The following SRRM2 variants were observed in gnomAD, a reference collection of about 807,000 sequenced individuals.
SRRM2 encodes the protein serine/arginine repetitive matrix protein 2.
In SRRM2, 30 loss-of-function variants were observed where a neutral mutation model predicts 213.8. The ratio of observed to expected loss-of-function variants is 0.14; its 90% CI spans 0.10 to 0.19. The LOEUF (loss-of-function observed/expected upper bound fraction) is 0.19, where lower values mean the gene tolerates loss of function less well. Among genes scored for constraint, SRRM2 ranks in the 10% least tolerant of loss-of-function variants. The pLI is 1.00. For synonymous variants in SRRM2, 2,025 were observed against 1,377.7 expected (o/e 1.47, Z -10.40); for missense variants, 4,904 against 3,647.0 (o/e 1.34, Z -8.88).
chr16:2,757,957 C>T lies in SRRM2; in HGVS notation c.515+12C>T. ...CCCAAACCTTACAGGTATACAAGGCCAAGAAACCACTGTCAGCTTCTTTTC... is the reference window on the plus strand; with the variant it reads ...CCCAAACCTTACAGGTATACAAGGCTAAGAAACCACTGTCAGCTTCTTTTC... On this transcript the variant is annotated intron_variant, in intron 4 of 14. Transcript: ENST00000301740. 6.3e-7 allele frequency: 1 copy of T among 1,598,880 alleles called. No individual in the cohort carries two copies.
Position 2,771,230 on chromosome 16 carries a change from G to A in SRRM2, c.*363G>A. On this transcript the variant is annotated 3_prime_UTR_variant, in exon 15 of 15. Coordinates refer to ENST00000301740, the MANE Select transcript of SRRM2 (RefSeq NM_016333.4). ...GATTGTGATGGTGGTTGGGACTGGA[G>A]GTTGTATAAGGTGTTCTTGGAAGGA... The A allele has an allele frequency of 1.5e-6, 1 of 687,692 alleles. No homozygotes were observed. The highest frequency in any genetic ancestry group is 2.6e-6 in the Non-Finnish European group (1 of 391,510). 42.6% of individuals were successfully genotyped at this position (687,692 alleles called of 1,614,324 possible).
chr16:2,766,391 CGCA>C lies in SRRM2; in HGVS notation c.5865_5867del (p.Arg1957del), dbSNP rs758213514. 1.9e-6 allele frequency: 3 copies of C among 1,614,118 alleles called. No homozygotes were observed. Among genetic ancestry groups the C allele is most frequent in the Non-Finnish European group, 2.5e-6 (3 of 1,180,006 alleles). ...CCGTTCTAGAACTCCACCAGTGACT[CGCA>C]GAAGGTCCAGATCCAGGACTCCACC... On this transcript the variant is annotated inframe_deletion, in exon 11 of 15. Coordinates refer to ENST00000301740, the MANE Select transcript of SRRM2 (RefSeq NM_016333.4). The surrounding 1 kb of genome is among the most constrained non-coding windows in gnomAD (Gnocchi z 7.0).
In SRRM2 at chr16:2,752,724, C is replaced by T. The variant is rs1211055162; in HGVS notation, c.-154C>T. On this transcript the variant is annotated 5_prime_UTR_variant, in exon 1 of 15. Coordinates refer to ENST00000301740, the MANE Select transcript of SRRM2 (RefSeq NM_016333.4). ...CCCTGAGGAAGCGAGGAGGCGTCGG[C>T]GTCGGCTGAGGCGGGCGGACCGGCG... 4.2e-5 allele frequency: 15 copies of T among 359,792 alleles called. No homozygotes were observed. Among genetic ancestry groups the T allele is most frequent in the African/African-American group, 9.0e-5 (4 of 44,410 alleles). The allele number at this position is 359,792 out of a possible 1,614,324, so 22.3% of individuals were successfully genotyped here. A position where few individuals can be genotyped will look rare whatever the true frequency, so the allele number is the denominator to read the frequency against.
In SRRM2 at chr16:2,766,430, A is replaced by G. The variant is rs1272022062; in HGVS notation, c.5902A>G (p.Arg1968Gly). The part of the protein sequence containing the change: ...SRSRTPPVTR[R>G]RSRSRTSPIT... ...ATCCAGGACTCCACCAGTAACCAGG[A>G]GGCGATCTCGAAGCAGAACTTCGCC... Residue 1968 changes from arginine to glycine, a missense_variant, in exon 11 of 15, where the codon AGG becomes GGG. Arg to Gly is a moderately radical substitution (Grantham distance 125). Coordinates refer to ENST00000301740, the MANE Select transcript of SRRM2 (RefSeq NM_016333.4). This position sits in a 1 kb window ranked among gnomAD's most constrained non-coding sequence, Gnocchi z 7.0. 8 of 1,613,900 alleles carry G rather than the reference A, an allele frequency of 5.0e-6. No individual in the cohort carries two copies. The Middle Eastern group carries it at 4.9e-4, about 100-fold the overall frequency.
At position 2,763,326 on chromosome 16, in the gene SRRM2, C is replaced by G. The variant is rs755088780; in HGVS notation, c.2798C>G (p.Ser933Cys). 1.2e-6 allele frequency: 2 copies of G among 1,614,074 alleles called. No individual in the cohort carries two copies. The highest frequency in any genetic ancestry group is 2.7e-5 in the African/African-American group (2 of 74,918). ...ISPRQRSHSG[S>C]SSPSPSRVTS... ...CCAAGACAAAGAAGCCATTCTGGCTCCTCTTCTCCAAGTCCTAGTAGGGTG... is the reference window on the plus strand; with the variant it reads ...CCAAGACAAAGAAGCCATTCTGGCTGCTCTTCTCCAAGTCCTAGTAGGGTG... Residue 933 changes from serine (S) to cysteine (C), a missense_variant, in exon 11 of 15, where the codon TCC becomes TGC. Coordinates refer to ENST00000301740, the MANE Select transcript of SRRM2 (RefSeq NM_016333.4).
Position 2,766,118 on chromosome 16 carries a change from T to C in SRRM2, c.5590T>C (p.Ser1864Pro). ...SRTSPAPWKR[S>P]RSRASPATHR... ...CACATCACCAGCCCCGTGGAAACGC[T>C]CTAGATCTCGAGCCTCTCCAGCCAC... The change falls in exon 11 of 15, where the codon TCT becomes CCT. Residue 1864 changes from serine to proline, a missense_variant. Transcript: ENST00000301740. This position sits in a 1 kb window ranked among gnomAD's most constrained non-coding sequence, Gnocchi z 7.0. The C allele has an allele frequency of 1.2e-6, 2 of 1,613,930 alleles. No individual in the cohort carries two copies. Among genetic ancestry groups the C allele is most frequent in the Non-Finnish European group, 1.7e-6 (2 of 1,179,988 alleles).
intron 2 of SRRM2, among the ~76,000 whole-genome samples, chr16:2,757,208 G>C (rs1388501430): frequency 1.3e-5 from 2 of 152,028 alleles, no homozygotes; most frequent in Non-Finnish European, 2.9e-5. Context: ...AGTTGGGGAG[G>C]AGCACTTGGA....
At position 2,766,599 on chromosome 16, in the gene SRRM2, C is replaced by T. The variant is rs1283212385; in HGVS notation, c.6071C>T (p.Pro2024Leu). The T allele has an allele frequency of 1.9e-6, 3 of 1,613,968 alleles. No individual in the cohort carries two copies. The highest frequency in any genetic ancestry group is 1.7e-6 in the Non-Finnish European group (2 of 1,179,888). The change falls in exon 11 of 15, where the codon CCA (proline) becomes CTA (leucine). Residue 2024 changes from proline to leucine, a missense_variant. Coordinates refer to ENST00000301740, the MANE Select transcript of SRRM2 (RefSeq NM_016333.4). This position sits in a 1 kb window ranked among gnomAD's most constrained non-coding sequence, Gnocchi z 7.0. ...CGCCGCTCTAGGTCCCGGACACCTC[C>T]AGCTATTCGGCGCCGCTCTAGATCT... is the stretch of plus-strand genomic sequence containing the variant. ...TRRRSRSRTP[P>L]AIRRRSRSRT...
chr16:2,762,451 C>T lies in SRRM2; in HGVS notation c.1923C>T (p.Ala641=). ...VRRRSRSRSP[A]RRSGRSRSRT... The stretch of plus-strand genomic sequence containing the variant: ...GCAGGTCTCGTAGTAGATCACCAGC[C>T]AGGAGAAGTGGCAGGTCACGCTCTA... Residue 641 remains alanine (A), a synonymous_variant, in exon 11 of 15, where the codon GCC becomes GCT. Coordinates refer to ENST00000301740, the MANE Select transcript of SRRM2 (RefSeq NM_016333.4). 3 of 1,613,912 alleles carry T rather than the reference C, an allele frequency of 1.9e-6. No individual in the cohort carries two copies. Among genetic ancestry groups the T allele is most frequent in the South Asian group, 1.1e-5 (1 of 91,060 alleles).
At position 2,760,063 on chromosome 16, in the gene SRRM2, T is replaced by G. The variant is rs973464897; in HGVS notation, c.834-238T>G. 54 of 573,888 alleles carry G rather than the reference T, an allele frequency of 9.4e-5. 1 individual carries two copies. In the South Asian group the frequency reaches 1.1e-3, roughly 11 times the overall value. 35.5% of individuals were successfully genotyped at this position (573,888 alleles called of 1,614,324 possible). On this transcript the variant is annotated intron_variant, in intron 9 of 14. Transcript: ENST00000301740. ...GGGCTGGGTGGATGGTTTGGGGATG[T>G]TTGGGGGAGGTGAGTAAAGGGGTAG...
In SRRM2 at chr16:2,756,301, G is replaced by C. The variant is rs2068137444; in HGVS notation, c.-31-33G>C. 32 of 1,483,434 alleles carry C rather than the reference G, an allele frequency of 2.2e-5. No individual in the cohort carries two copies. In the Middle Eastern group the frequency reaches 2.2e-3, roughly 102 times the overall value. The allele number at this position is 1,483,434 out of a possible 1,614,324, so 91.9% of individuals were successfully genotyped here. Reference sequence around the variant, plus strand: ...CGGTAAGTGGTTAGTTTGGGGCCAGGGGCCTGACCCGTGTCTCCCCGCTCC... The same window carrying C: ...CGGTAAGTGGTTAGTTTGGGGCCAGCGGCCTGACCCGTGTCTCCCCGCTCC... On this transcript the variant is annotated intron_variant, in intron 1 of 14. Coordinates refer to ENST00000301740, the MANE Select transcript of SRRM2 (RefSeq NM_016333.4).
At chr16:2,759,832 T>A (rs2068275433) in intron 9 of SRRM2, 171 bp downstream of exon 9, 1 of 595,156 alleles carries the variant, frequency 1.7e-6, no homozygotes, top group Admixed American at 3.2e-5. Context: ...ACATATACAT[T>A]TCCCCTTCTC....
At position 2,771,153 on chromosome 16, in the gene SRRM2, A is replaced by C. The variant is rs1404354965; in HGVS notation, c.*286A>C. ...TACAGTTCAGGATACCCCAGCCTGGAGTCAGGGCCAGGGAGGCATGGCCCC... is the reference window on the plus strand; with the variant it reads ...TACAGTTCAGGATACCCCAGCCTGGCGTCAGGGCCAGGGAGGCATGGCCCC... On this transcript the variant is annotated 3_prime_UTR_variant, in exon 15 of 15. Coordinates refer to ENST00000301740, the MANE Select transcript of SRRM2 (RefSeq NM_016333.4). 8.0e-6 allele frequency: 5 copies of C among 621,500 alleles called. No homozygotes were observed. Among genetic ancestry groups the C allele is most frequent in the African/African-American group, 1.9e-5 (1 of 54,048 alleles). 38.5% of individuals were successfully genotyped at this position (621,500 alleles called of 1,614,324 possible). A position where few individuals can be genotyped will look rare whatever the true frequency, so the allele number is the denominator to read the frequency against.
chr16:2,771,085 T>TGGGGG lies in SRRM2; in HGVS notation c.*222_*223insGGGGG. ...CCTGGTTCATGTGTTCTGGGGGGTT[T>TGGGGG]GGGGTGGGAGGGAATGCAGATGGGA... On this transcript the variant is annotated 3_prime_UTR_variant, in exon 15 of 15. Transcript: ENST00000301740. 2 of 156,624 alleles carry TGGGGG rather than the reference T, an allele frequency of 1.3e-5. No individual in the cohort carries two copies. Among genetic ancestry groups the TGGGGG allele is most frequent in the East Asian group, 1.3e-4 (1 of 7,542 alleles). The allele number at this position is 156,624 out of a possible 1,614,324, so 9.7% of individuals were successfully genotyped here.
chr16:2,755,521 G>A (rs2068110082), intron 1 of SRRM2, among the ~76,000 whole-genome samples: 1 of 152,206 alleles, frequency 6.6e-6, no homozygotes, highest in African/African-American at 2.4e-5. Context: ...ATATTTGACA[G>A]CTGGCAAGAC....
rs773448090 is a variant in SRRM2, at chr16:2,767,608, C to G, written c.7080C>G (p.Ala2360=). 1.2e-6 allele frequency: 2 copies of G among 1,614,108 alleles called. No homozygotes were observed. The highest frequency in any genetic ancestry group is 1.3e-5 in the African/African-American group (1 of 74,942). ...TTGCCGGCTCCAGAACCGCCGCAGC[C>G]TTGGCCCCCGCGAGCCTCACCAGTG... is the stretch of plus-strand genomic sequence containing the variant. The part of the protein sequence containing the change: ...VNIAGSRTAA[A]LAPASLTSAR... Residue 2360 remains alanine, a synonymous_variant, in exon 11 of 15, where the codon GCC becomes GCG. Coordinates refer to ENST00000301740, the MANE Select transcript of SRRM2 (RefSeq NM_016333.4).
Position 2,764,524 on chromosome 16 carries a change from A to G in SRRM2, c.3996A>G (p.Glu1332=), listed in dbSNP as rs746198411. Reference sequence around the variant, plus strand: ...AGAACAGCTTTGGATCACCTTTAGAATTTAGAAACTCAGGCCCACTTGGTA... The same window carrying G: ...AGAACAGCTTTGGATCACCTTTAGAGTTTAGAAACTCAGGCCCACTTGGTA... The part of the protein sequence containing the change: ...LRENSFGSPL[E]FRNSGPLGTE... Residue 1332 remains glutamate, a synonymous_variant, in exon 11 of 15, where the codon GAA becomes GAG. Transcript: ENST00000301740. 21 of 1,614,228 alleles carry G rather than the reference A, an allele frequency of 1.3e-5. No individual in the cohort carries two copies. Among genetic ancestry groups the G allele is most frequent in the Non-Finnish European group, 1.8e-5 (21 of 1,180,040 alleles).
At position 2,766,362 on chromosome 16, in the gene SRRM2, G is replaced by A. The variant is rs201970772; in HGVS notation, c.5834G>A (p.Arg1945His). The A allele has an allele frequency of 2.8e-5, 46 of 1,614,102 alleles. No homozygotes were observed. In the East Asian group the frequency reaches 3.6e-4, roughly 13 times the overall value. The change falls in exon 11 of 15, where the codon CGC (arginine) becomes CAC (histidine). Residue 1945 changes from arginine (R) to histidine (H), a missense_variant. Coordinates refer to ENST00000301740, the MANE Select transcript of SRRM2 (RefSeq NM_016333.4). The surrounding 1 kb of genome is among the most constrained non-coding windows in gnomAD (Gnocchi z 7.0). ...TCTAGAACGCCAACAACACGCCGCCGCTCCCGTTCTAGAACTCCACCAGTG... is the reference window on the plus strand; with the variant it reads ...TCTAGAACGCCAACAACACGCCGCCACTCCCGTTCTAGAACTCCACCAGTG... ...SRSRTPTTRR[R>H]SRSRTPPVTR...
rs1223956017 is a variant in SRRM2, at chr16:2,770,665, A to G, written c.8197A>G (p.Lys2733Glu). 7 of 1,554,876 alleles carry G rather than the reference A, an allele frequency of 4.5e-6. No homozygotes were observed. The highest frequency in any genetic ancestry group is 5.2e-6 in the Non-Finnish European group (6 of 1,148,556). The change falls in exon 14 of 15, where the codon AAG (lysine) becomes GAG (glutamate). Residue 2733 changes from lysine (K) to glutamate (E), a missense_variant. Coordinates refer to ENST00000301740, the MANE Select transcript of SRRM2 (RefSeq NM_016333.4). ...TGGGGACAGCCGCTCCCCCAGCCAC[A>G]AGCGCAGGAGGGAGACACCTAGCCC... is the stretch of plus-strand genomic sequence containing the variant. ...QRGDSRSPSH[K>E]RRRETPSPRP... is the part of the protein sequence containing the mutation.
Sources: allele counts gnomAD v4.1 joint callset (sites outside exome capture counted in the v4.1 genomes callset), GRCh38; gene constraint gnomAD v4.1.1; non-coding constraint Gnocchi (gnomAD v3.1); transcripts MANE v1.5; gene names NCBI Gene and HGNC (gene_info 2026-07-23, HGNC 2026-07-21).